Variants in ASAP1 observed in about 807,000 individuals in gnomAD.
ASAP1 encodes the protein arf-GAP with SH3 domain, ANK repeat and PH domain-containing protein 1.
In ASAP1, 43 loss-of-function variants were observed where a neutral mutation model predicts 145.2. That is an observed-to-expected ratio of 0.30 (90% CI 0.23 to 0.38). The LOEUF (loss-of-function observed/expected upper bound fraction) is 0.38. ASAP1 is among the 10% of genes least tolerant of loss of function. ASAP1 has a pLI of 1.00. For missense variants in ASAP1, 1,018 were observed against 1,355.3 expected (o/e 0.75, Z 3.91); for synonymous variants, 546 against 515.5 (o/e 1.06, Z -0.80).
chr8:130,431,938 GAGGAGGAA>G (rs1471041695), intron 1 of ASAP1, among the ~76,000 whole-genome samples: 22 of 129,712 alleles, frequency 1.7e-4, no homozygotes, highest in Non-Finnish European at 3.5e-4. Context: ...GGGAGAGGAG[GAGGAGGAA>G]AGGAGGAAGG....
At chr8:130,242,789 G>GA (rs909378371) in intron 3 of ASAP1, among the ~76,000 whole-genome samples, 4 of 152,082 alleles carry the variant, frequency 2.6e-5, no homozygotes, top group African/African-American at 7.2e-5. Context: ...GGTGCCAGAA[G>GA]AAAGAATTGA....
rs530855017 is a variant in ASAP1 at position 130,224,625 on chromosome 8, G to A, written c.260-9924C>T. Reference sequence around the variant, plus strand: ...AAAAAATAAATGGGATATTACATACGACCACCATGGCTTGCTTTTTTCCTA... The same window carrying A: ...AAAAAATAAATGGGATATTACATACAACCACCATGGCTTGCTTTTTTCCTA... On this transcript the variant is annotated intron_variant, in intron 4 of 29. Coordinates refer to ENST00000518721, the MANE Select transcript of ASAP1 (RefSeq NM_018482.4). Among the ~76,000 whole-genome samples the A allele has an allele frequency of 4.6e-5, 7 of 151,944 alleles. No homozygotes were observed. The Middle Eastern group carries it at 0.01, about 223-fold the overall frequency.
At chr8:130,179,917 T>G (rs778135586) in intron 8 of ASAP1, among the ~76,000 whole-genome samples, 13 of 151,254 alleles carry the variant, frequency 8.6e-5, no homozygotes, top group Non-Finnish European at 1.8e-4. Context: ...TGTAAAAAGG[T>G]TCATGAGCAC....
At chr8:130,147,465 T>C (rs1302674070) in intron 13 of ASAP1, among the ~76,000 whole-genome samples, 1 of 152,196 alleles carries the variant, frequency 6.6e-6, no homozygotes, top group African/African-American at 2.4e-5. Context: ...AATTCAAGTC[T>C]AGGCAGTCTG....
At chr8:130,428,101 G>C (rs187812735) in intron 1 of ASAP1, among the ~76,000 whole-genome samples, 116 of 152,206 alleles carry the variant, frequency 7.6e-4, no homozygotes, top group Admixed American at 1.6e-3. Context: ...GCCACCATCT[G>C]AGAGAACTTT....
chr8:130,128,139 A>AT (rs745416119), intron 15 of ASAP1, 49 bp from the exon 16 acceptor site: 6,340 of 178,862 alleles, frequency 0.035, 157 homozygotes, highest in African/African-American at 0.062. Context: ...GAGCATGGTC[A>AT]TTTTTTTTTT....
chr8:130,149,437 G>A (rs917791244), intron 13 of ASAP1, among the ~76,000 whole-genome samples: 1 of 151,952 alleles, frequency 6.6e-6, no homozygotes, highest in African/African-American at 2.4e-5. Flanking sequence ...CAATTTTTCA[G>A]GTGTACACAG....
intron 5 of ASAP1, among the ~76,000 whole-genome samples, chr8:130,209,036 G>A (rs11775609): frequency 0.035 from 5,287 of 152,186 alleles, 123 homozygotes; most frequent in Middle Eastern, 0.065. Context: ...TTCCCCTGTA[G>A]GCATGTGTTC....
chr8:130,108,131 C>G (rs1362468396), intron 24 of ASAP1, among the ~76,000 whole-genome samples: 2 of 152,360 alleles, frequency 1.3e-5, no homozygotes, highest in South Asian at 2.1e-4. Flanking sequence ...TCTCAGTATG[C>G]CACACAGCAC....
intron 10 of ASAP1, among the ~76,000 whole-genome samples, chr8:130,168,416 G>A (rs567534566): frequency 2.0e-4 from 30 of 152,198 alleles, no homozygotes; most frequent in Middle Eastern, 3.4e-3. Context: ...AGGCCAAGGC[G>A]GGTGGATCAC....
intron 3 of ASAP1, among the ~76,000 whole-genome samples, chr8:130,335,337 A>G (rs1414710500): frequency 6.6e-6 from 1 of 152,176 alleles, no homozygotes; most frequent in Admixed American, 6.5e-5. Context: ...AGGTCACTTT[A>G]TGACCCCTAT....
At chr8:130,080,120 A>G (rs1279882190) in intron 25 of ASAP1, 149 bp from the exon 26 acceptor site, 16 of 684,442 alleles carry the variant, frequency 2.3e-5, no homozygotes, top group Non-Finnish European at 3.6e-5. Flanking sequence ...TTCTGGCCTA[A>G]GACCAAAACA....
At chr8:130,178,196 G>A (rs186042284) in intron 9 of ASAP1, among the ~76,000 whole-genome samples, 11 of 152,258 alleles carry the variant, frequency 7.2e-5, no homozygotes, top group Non-Finnish European at 1.2e-4. Flanking sequence ...TAGTCCAAAC[G>A]ACCTTTACAT....
rs543369612 is a variant in ASAP1, at chr8:130,397,314, T to C, written c.59+4571A>G. The stretch of plus-strand genomic sequence containing the variant: ...CACCACCATACCTGGCTAATTTTTG[T>C]ATTTTTAGTAGAGACAGGGTTTCGC... On this transcript the variant is annotated intron_variant, in intron 2 of 29. Coordinates refer to ENST00000518721, the MANE Select transcript of ASAP1 (RefSeq NM_018482.4). Among the ~76,000 whole-genome samples the C allele has an allele frequency of 1.8e-4, 28 of 152,304 alleles. No individual in the cohort carries two copies. The South Asian group carries it at 5.6e-3, about 30-fold the overall frequency.
chr8:130,358,631 G>T lies in ASAP1; in HGVS notation c.60-488C>A, dbSNP rs1017028999. On this transcript the variant is annotated intron_variant, in intron 2 of 29. Transcript: ENST00000518721. The surrounding 1 kb of genome is among the most constrained non-coding windows in gnomAD (Gnocchi z 4.1). Reference sequence around the variant, plus strand: ...TCCCGCGGCGGGCGGGCGGGCGGGCGGCGCTCGCGCTGCAGTCACGGGGCC... The same window carrying T: ...TCCCGCGGCGGGCGGGCGGGCGGGCTGCGCTCGCGCTGCAGTCACGGGGCC... Among the ~76,000 whole-genome samples, 1 of 147,154 alleles carries T rather than the reference G, an allele frequency of 6.8e-6. No homozygotes were observed. Among genetic ancestry groups the T allele is most frequent in the South Asian group, 2.1e-4 (1 of 4,832 alleles).
intron 27 of ASAP1, among the ~76,000 whole-genome samples, chr8:130,072,831 G>GCGCGCGCGCGCGCA (rs58907739): frequency 9.0e-6 from 1 of 110,706 alleles, no homozygotes; most frequent in African/African-American, 3.6e-5. Flanking sequence ...GTGTGCGCGC[G>GCGCGCGCGCGCGCA]GGGGGGGGCA....
At chr8:130,310,685 T>TA (rs879381179) in intron 3 of ASAP1, among the ~76,000 whole-genome samples, 56 of 142,074 alleles carry the variant, frequency 3.9e-4, no homozygotes, top group Admixed American at 4.9e-4. Flanking sequence ...ATTCTCTAGT[T>TA]AAAAAAAAAA....
chr8:130,120,252 C>T (rs2097563576), intron 18 of ASAP1, among the ~76,000 whole-genome samples: 1 of 152,224 alleles, frequency 6.6e-6, no homozygotes, highest in Non-Finnish European at 1.5e-5. Context: ...CCAAGCCTGG[C>T]TTCTGAGGCC....
intron 2 of ASAP1, among the ~76,000 whole-genome samples, chr8:130,375,259 C>T (rs1827428919): frequency 6.6e-6 from 1 of 152,134 alleles, no homozygotes; most frequent in African/African-American, 2.4e-5. Flanking sequence ...GGATAATGCG[C>T]CCTCCCTGGT....
Sources: gnomAD v4.1 joint callset for allele counts (sites outside exome capture counted in the v4.1 genomes callset) on GRCh38, gnomAD v4.1.1 for gene constraint, Gnocchi (gnomAD v3.1) non-coding constraint, MANE v1.5 for transcripts, NCBI Gene and HGNC (gene_info 2026-07-23, HGNC 2026-07-21) for gene names.